Variants in ZNF568 observed in about 807,000 individuals in gnomAD.
ZNF568 encodes p53 inhibitor of SCO2 activation.
A neutral mutation model predicts 18.1 loss-of-function variants in ZNF568; 11 were observed. That is an observed-to-expected ratio of 0.61 (90% CI 0.38 to 1.00). ZNF568 has a LOEUF of 1.00. ZNF568 is among the 50% of genes least tolerant of loss of function. The probability of loss-of-function intolerance (pLI) is 0.01; values close to 1 mark genes in which losing one functional copy is unlikely to be tolerated. For synonymous variants in ZNF568, 213 were observed against 246.6 expected (o/e 0.86, Z 1.28); for missense variants, 639 against 768.2 (o/e 0.83, Z 1.99).
Position 36,950,836 on chromosome 19 carries a change from T to C in ZNF568, c.1683T>C (p.Asn561=), listed in dbSNP as rs553226357. 2.6e-4 allele frequency: 422 copies of C among 1,613,858 alleles called. 5 individuals are homozygous for C. In the South Asian group the frequency reaches 4.4e-3, roughly 17 times the overall value. The change falls in exon 7 of 7, where the codon AAT becomes AAC. Residue 561 remains asparagine, a synonymous_variant. Coordinates refer to ENST00000333987, the MANE Select transcript of ZNF568 (RefSeq NM_198539.4). ...IHTGEKPFKC[N]ECGKAFSRIS... is the part of the protein sequence containing the mutation. ...CTGGAGAGAAACCATTCAAATGTAA[T>C]GAATGTGGTAAAGCCTTCTCTCGAA...
chr19:36,947,029 T>C (rs1428330649), intron 6 of ZNF568, among the ~76,000 whole-genome samples: 4 of 151,334 alleles, frequency 2.6e-5, no homozygotes, highest in African/African-American at 9.7e-5. Context: ...TTTGTTTGTT[T>C]GTTTGAGACT....
chr19:36,988,780 A>G (rs1017945251), intron 2 of ZNF568, among the ~76,000 whole-genome samples: 13 of 152,142 alleles, frequency 8.5e-5, no homozygotes, highest in African/African-American at 2.9e-4. Context: ...GTACATATCT[A>G]TGTGGTATAA....
rs966427143 is a variant in ZNF568, at chr19:36,991,698, A to C, written c.134-53A>C. On this transcript the variant is annotated intron_variant, in intron 3 of 4. Transcript: ENST00000433993. The stretch of plus-strand genomic sequence containing the variant: ...CCTCTTTCTTGGTAATTAGGGACTG[A>C]TTTTTAATTCTGACACCCACAACAA... 1.2e-5 allele frequency: 17 copies of C among 1,441,516 alleles called. No homozygotes were observed. The African/African-American group carries it at 2.4e-4, about 20-fold the overall frequency. The allele number at this position is 1,441,516 out of a possible 1,614,324, so 89.3% of individuals were successfully genotyped here. A position where few individuals can be genotyped will look rare whatever the true frequency, so the allele number is the denominator to read the frequency against.
At chr19:36,923,786 C>T (rs945474183) in intron 3 of ZNF568, among the ~76,000 whole-genome samples, 4 of 152,006 alleles carry the variant, frequency 2.6e-5, no homozygotes, top group Non-Finnish European at 1.5e-5. Flanking sequence ...AAACTCTAGT[C>T]CACAGAAGTA....
downstream of ZNF568, among the ~76,000 whole-genome samples, chr19:36,956,642 G>A (rs530328567): frequency 2.9e-4 from 44 of 151,582 alleles, no homozygotes; most frequent in Admixed American, 2.8e-3. Flanking sequence ...CTGCTGCCCA[G>A]GCTGGAGTAT....
At chr19:36,974,996 T>C (rs1265421882) in intron 7 of ZNF568, among the ~76,000 whole-genome samples, 1 of 149,330 alleles carries the variant, frequency 6.7e-6, no homozygotes, top group Non-Finnish European at 1.5e-5. Context: ...CCAGCTAATT[T>C]TTGTATTTTT....
At chr19:36,918,052 G>A (rs1359678424) in intron 2 of ZNF568, among the ~76,000 whole-genome samples, 2 of 152,180 alleles carry the variant, frequency 1.3e-5, no homozygotes, top group Non-Finnish European at 2.9e-5. Flanking sequence ...GAGTTCAAGC[G>A]ATTCTCCTGC....
At chr19:36,940,731 A>G (rs1347457493) in intron 6 of ZNF568, among the ~76,000 whole-genome samples, 1 of 152,232 alleles carries the variant, frequency 6.6e-6, no homozygotes, top group East Asian at 1.9e-4. Context: ...TTTTAAGAGA[A>G]GGGCTGTAGA....
intron 6 of ZNF568, among the ~76,000 whole-genome samples, chr19:36,943,206 TG>T (rs1157323710): frequency 6.6e-6 from 1 of 152,208 alleles, no homozygotes; most frequent in Non-Finnish European, 1.5e-5. Flanking sequence ...CAGACATAAT[TG>T]AGATTGATCA....
intron 4 of ZNF568, among the ~76,000 whole-genome samples, chr19:36,933,144 C>CTT (rs371143411): frequency 0.3 from 40,650 of 134,764 alleles, 7,870 homozygotes; most frequent in African/African-American, 0.53. Flanking sequence ...ATTCTGAGAC[C>CTT]TTTTTTTTTT....
chr19:36,950,114 C>A lies in ZNF568; in HGVS notation c.961C>A (p.Leu321Ile). The part of the protein sequence containing the change: ...CWKAFSQKSN[L>I]IEHERIHTGE... ...GAAAGCCTTCAGTCAGAAATCAAAT[C>A]TCATTGAACATGAGCGAATTCACAC... Residue 321 changes from leucine (L) to isoleucine (I), a missense_variant, in exon 7 of 7, where the codon CTC (leucine) becomes ATC (isoleucine). Leu to Ile is a conservative substitution (Grantham distance 5, BLOSUM62 2). Coordinates refer to ENST00000333987, the MANE Select transcript of ZNF568 (RefSeq NM_198539.4). 1 of 1,613,836 alleles carries A rather than the reference C, an allele frequency of 6.2e-7. No homozygotes were observed. Among genetic ancestry groups the A allele is most frequent in the Non-Finnish European group, 8.5e-7 (1 of 1,179,932 alleles).
rs747077484 is a variant in ZNF568 at position 36,996,929 on chromosome 19, A to G, written c.842A>G (p.His281Arg). 35 of 1,536,792 alleles carry G rather than the reference A, an allele frequency of 2.3e-5. 2 individuals carry two copies. The South Asian group carries it at 3.8e-4, about 17-fold the overall frequency. The change falls in exon 5 of 5, where the codon CAT becomes CGT. Residue 281 changes from histidine to arginine, a missense_variant. Physicochemically the swap from His to Arg is conservative, Grantham distance 29. Transcript: ENST00000433993. ...CCATCCACTGCACAGCTTAATCTAC[A>G]TCAGAGGATCCATACTGATGAGAAA...
downstream of ZNF568, among the ~76,000 whole-genome samples, chr19:36,981,692 T>C (rs1297339481): frequency 2.6e-5 from 4 of 152,072 alleles, no homozygotes; most frequent in African/African-American, 9.6e-5. Context: ...CTGGGCAACA[T>C]AGTGAGACCC....
At chr19:36,935,891 A>C (rs1008339613) in intron 4 of ZNF568, among the ~76,000 whole-genome samples, 5 of 152,078 alleles carry the variant, frequency 3.3e-5, no homozygotes, top group Admixed American at 1.3e-4. Context: ...CATGTAGTTG[A>C]ATTCTGTTTT....
chr19:36,981,112 A>C (rs897762382), downstream of ZNF568, among the ~76,000 whole-genome samples: 2 of 152,208 alleles, frequency 1.3e-5, no homozygotes, highest in Non-Finnish European at 2.9e-5. Flanking sequence ...TATGTACTTC[A>C]GTGGCAGTTC....
chr19:36,957,133 CT>C (rs1474494644), downstream of ZNF568, among the ~76,000 whole-genome samples: 1 of 150,176 alleles, frequency 6.7e-6, no homozygotes, highest in African/African-American at 2.5e-5. Flanking sequence ...AAACTCCATT[CT>C]TACTCATGAG....
intron 4 of ZNF568, among the ~76,000 whole-genome samples, chr19:36,926,134 G>T (rs754240106): frequency 1.3e-4 from 19 of 151,958 alleles, no homozygotes; most frequent in Non-Finnish European, 2.2e-4. Flanking sequence ...AATATTCTAT[G>T]GCAGAATCTT....
At chr19:36,974,161 T>TGAGCTAGGCCTGA (rs2074261160) in intron 6 of ZNF568, among the ~76,000 whole-genome samples, 1 of 152,152 alleles carries the variant, frequency 6.6e-6, no homozygotes, top group African/African-American at 2.4e-5. Context: ...GGGCTCAGTG[T>TGAGCTAGGCCTGA]AAGACGCTAG....
At chr19:36,927,988 C>T (rs1383933400) in intron 4 of ZNF568, among the ~76,000 whole-genome samples, 1 of 139,056 alleles carries the variant, frequency 7.2e-6, no homozygotes, top group Non-Finnish European at 1.5e-5. Context: ...GATCTTGGCT[C>T]ACTGCAACCT....
Sources: gnomAD v4.1 joint callset for allele counts (sites outside exome capture counted in the v4.1 genomes callset) on GRCh38, gnomAD v4.1.1 for gene constraint, MANE v1.5 for transcripts, NCBI Gene and HGNC (gene_info 2026-07-23, HGNC 2026-07-21) for gene names.